Variants in THSD7B observed in about 807,000 individuals in gnomAD.
The protein encoded by THSD7B is thrombospondin type 1 domain containing 7B.
THSD7B carries 138 observed loss-of-function variants against 213.6 expected under a neutral mutation model. The observed-to-expected ratio is 0.65, with a 90% CI of 0.56 to 0.74. THSD7B has a LOEUF of 0.74. THSD7B is among the 30% of genes least tolerant of loss of function. The pLI is 0.00. For synonymous variants in THSD7B, 742 were observed against 687.0 expected (o/e 1.08, Z -1.25); for missense variants, 1,931 against 1,991.5 (o/e 0.97, Z 0.58).
chr2:137,669,581 CAAG>C, intron 27 of THSD7B, among the ~76,000 whole-genome samples: 1 of 152,234 alleles, frequency 6.6e-6, no homozygotes, highest in Middle Eastern at 3.4e-3. Context: ...AAGATTAAAA[CAAG>C]GAGGAAATTT....
At chr2:136,796,195 A>G (rs1050875934) in intron 1 of THSD7B, among the ~76,000 whole-genome samples, 10 of 151,886 alleles carry the variant, frequency 6.6e-5, no homozygotes, top group Non-Finnish European at 1.2e-4. Flanking sequence ...TGACCTCTAC[A>G]ACTATCCTAA....
rs1192060794 is a variant in THSD7B at position 137,195,265 on chromosome 2, CGT to C, written c.1723+24330_1723+24331del. On this transcript the variant is annotated intron_variant, in intron 7 of 27. Transcript: ENST00000409968. ...ATATATATATATACACACACACACA[CGT>C]GTTTCTATATTTGTGTATAGACATA... 3.3e-5 allele frequency among the ~76,000 whole-genome samples: 5 copies of C among 151,616 alleles called. No homozygotes were observed. The East Asian group carries it at 5.8e-4, about 18-fold the overall frequency.
chr2:137,420,076 G>T (rs913473414), intron 14 of THSD7B, among the ~76,000 whole-genome samples: 2 of 152,002 alleles, frequency 1.3e-5, no homozygotes, highest in African/African-American at 4.8e-5. Flanking sequence ...GTGTACGAGG[G>T]TTCCCCTTTC....
chr2:137,158,037 A>G (rs1234474472), intron 5 of THSD7B, among the ~76,000 whole-genome samples: 3 of 152,192 alleles, frequency 2.0e-5, no homozygotes, highest in Non-Finnish European at 4.4e-5. Flanking sequence ...GCTCTGGCAC[A>G]TCTCTTTCAT....
intron 15 of THSD7B, among the ~76,000 whole-genome samples, chr2:137,462,868 C>A (rs1048657449): frequency 6.6e-6 from 1 of 151,468 alleles, no homozygotes; most frequent in Admixed American, 6.6e-5. Context: ...TGAATAGGTA[C>A]AAATTCTCAA....
At chr2:137,188,117 C>A (rs956455658) in intron 7 of THSD7B, among the ~76,000 whole-genome samples, 13 of 152,016 alleles carry the variant, frequency 8.6e-5, no homozygotes, top group Admixed American at 8.5e-4. Flanking sequence ...CTGGATTTAC[C>A]CAATGACAAT....
chr2:137,380,722 G>A (rs75075246), intron 12 of THSD7B, among the ~76,000 whole-genome samples: 4,807 of 152,310 alleles, frequency 0.032, 277 homozygotes, highest in African/African-American at 0.11. Flanking sequence ...TGTAAGGAAA[G>A]TGCATGTGCT....
At chr2:137,060,999 T>C (rs1687259024) in intron 3 of THSD7B, among the ~76,000 whole-genome samples, 1 of 151,776 alleles carries the variant, frequency 6.6e-6, no homozygotes, top group Non-Finnish European at 1.5e-5. Context: ...TCTCTCCATT[T>C]ATTTAATTCT....
intron 2 of THSD7B, among the ~76,000 whole-genome samples, chr2:137,015,874 G>C (rs750072097): frequency 5.9e-5 from 9 of 152,140 alleles, no homozygotes; most frequent in Non-Finnish European, 1.3e-4. Context: ...GGCACACAGA[G>C]CTCAGTTCCC....
chr2:137,522,993 G>A (rs1680215351), intron 15 of THSD7B, among the ~76,000 whole-genome samples: 1 of 152,190 alleles, frequency 6.6e-6, no homozygotes, highest in African/African-American at 2.4e-5. Context: ...AAACAGACAT[G>A]TATGTTTTGA....
At chr2:137,333,911 T>C (rs1684575108) in intron 12 of THSD7B, among the ~76,000 whole-genome samples, 1 of 152,192 alleles carries the variant, frequency 6.6e-6, no homozygotes, top group Non-Finnish European at 1.5e-5. Flanking sequence ...TCACTTGATA[T>C]GACTTATTGT....
intron 17 of THSD7B, among the ~76,000 whole-genome samples, chr2:137,595,171 A>G (rs1470933533): frequency 6.6e-6 from 1 of 151,958 alleles, no homozygotes; most frequent in Non-Finnish European, 1.5e-5. Context: ...TCACTCTAGC[A>G]TATGTTATGG....
chr2:137,512,268 A>G (rs895239589), intron 15 of THSD7B: 2 of 151,794 alleles, frequency 1.3e-5, no homozygotes, highest in South Asian at 2.1e-4. Context: ...CTATCAAGGC[A>G]TTATTCAAAG....
chr2:136,816,346 A>T (rs1682473886), intron 1 of THSD7B, among the ~76,000 whole-genome samples: 1 of 152,224 alleles, frequency 6.6e-6, no homozygotes, highest in Non-Finnish European at 1.5e-5. Flanking sequence ...TGTCTACTAC[A>T]TGCACACATT....
intron 2 of THSD7B, among the ~76,000 whole-genome samples, chr2:136,961,368 A>C (rs1204169710): frequency 6.6e-6 from 1 of 151,316 alleles, no homozygotes; most frequent in Admixed American, 6.6e-5. Flanking sequence ...CTACAGGCAC[A>C]ACCACCATGC....
chr2:137,667,788 A>G lies in THSD7B; in HGVS notation c.4666A>G (p.Ile1556Val). The change falls in exon 27 of 28, where the codon ATT (isoleucine) becomes GTT (valine). Residue 1556 changes from isoleucine to valine, a missense_variant. Physicochemically the swap from Ile to Val is conservative, Grantham distance 29 (BLOSUM62 3). Transcript: ENST00000409968. ...ATTTTAAACAGATGGCCGAGTAAAAATTTGGGTTTATGGCGTTTCAGGTGG... is the reference window on the plus strand; with the variant it reads ...ATTTTAAACAGATGGCCGAGTAAAAGTTTGGGTTTATGGCGTTTCAGGTGG... Reference protein sequence around the residue: ...QPLDPDGRVKIWVYGVSGGAF... With the variant: ...QPLDPDGRVKVWVYGVSGGAF... 1 of 1,605,404 alleles carries G rather than the reference A, an allele frequency of 6.2e-7. No homozygotes were observed. Among genetic ancestry groups the G allele is most frequent in the Admixed American group, 1.7e-5 (1 of 58,826 alleles).
chr2:136,798,581 A>G (rs1682113360), intron 1 of THSD7B, among the ~76,000 whole-genome samples: 1 of 151,940 alleles, frequency 6.6e-6, no homozygotes. Flanking sequence ...TTCTACTTTT[A>G]GTTAACGACT....
intron 7 of THSD7B, among the ~76,000 whole-genome samples, chr2:137,215,908 A>G (rs1681230826): frequency 6.6e-6 from 1 of 152,192 alleles, no homozygotes; most frequent in Non-Finnish European, 1.5e-5. Context: ...CCAGAAGTAA[A>G]TAAAGATAGT....
chr2:136,871,355 A>G (rs1683429791), intron 1 of THSD7B, among the ~76,000 whole-genome samples: 1 of 152,194 alleles, frequency 6.6e-6, no homozygotes, highest in African/African-American at 2.4e-5. Flanking sequence ...GCAAAGCTAG[A>G]GAAGAGGAGT....
Sources: allele counts gnomAD v4.1 joint callset (sites outside exome capture counted in the v4.1 genomes callset), GRCh38; gene constraint gnomAD v4.1.1; transcripts MANE v1.5; gene names NCBI Gene and HGNC (gene_info 2026-07-23, HGNC 2026-07-21).